DOCK8: variants seen among roughly 807,000 people sequenced by gnomAD.
DOCK8 encodes dedicator of cytokinesis 8, also known as dedicator of cytokinesis protein 8.
Under a neutral mutation model 245.6 loss-of-function variants are expected in DOCK8, and 141 were observed. The observed-to-expected ratio is 0.57, with a 90% CI of 0.50 to 0.66. The LOEUF is 0.66. DOCK8 is among the 30% of genes least tolerant of loss of function. The pLI, the probability that DOCK8 is intolerant of heterozygous loss-of-function variation, is 0.00. For missense variants in DOCK8, 2,965 were observed against 2,603.4 expected, an observed-to-expected ratio of 1.14 and a Z score of -3.02; for synonymous variants, 1,168 against 970.2, an observed-to-expected ratio of 1.20 and a Z score of -3.79.
At chr9:301,747 T>C (rs1002549835) in intron 4 of DOCK8, among the ~76,000 whole-genome samples, 4 of 152,210 alleles carry the variant, frequency 2.6e-5, no homozygotes, top group African/African-American at 9.6e-5. Flanking sequence ...ATTCCATTTA[T>C]TTTATCCTTT....
chr9:256,754 A>G (rs534136980), intron 1 of DOCK8, among the ~76,000 whole-genome samples: 2 of 151,518 alleles, frequency 1.3e-5, no homozygotes, highest in East Asian at 3.9e-4. Flanking sequence ...TCAATACAAA[A>G]GAATGTGGCA....
intron 33 of DOCK8, among the ~76,000 whole-genome samples, chr9:422,717 G>C (rs747622797): frequency 2.0e-5 from 3 of 152,192 alleles, no homozygotes; most frequent in African/African-American, 7.2e-5. Flanking sequence ...GTAGTGTGTG[G>C]CTCACGCCTG....
intron 46 of DOCK8, 21 bp from the exon 47 acceptor site, chr9:463,496 A>C: frequency 1.2e-6 from 2 of 1,613,920 alleles, no homozygotes; most frequent in Admixed American, 3.3e-5. Context: ...TATTTCTCCC[A>C]CACTGATATT....
intron 4 of DOCK8, 52 bp from the exon 5 acceptor site, chr9:304,529 T>C (rs904481757): frequency 6.2e-7 from 1 of 1,611,624 alleles, no homozygotes; most frequent in African/African-American, 1.3e-5. Flanking sequence ...TCTAATGGTT[T>C]GCCGCTCTCT....
At position 428,376 on chromosome 9, in the gene DOCK8, G is replaced by A. The variant is rs569985419; in HGVS notation, c.4353G>A (p.Leu1451=). ...CATTCCCCCAGGCGAGCTCGGCTCT[G>A]GACTGTAAAGACAGCCTGCTGGGAG... ...QENIIQASSA[L]DCKDSLLGGV... Residue 1451 remains leucine, a synonymous_variant, in exon 35 of 48, where the codon CTG becomes CTA. Coordinates refer to ENST00000432829, the MANE Select transcript of DOCK8 (RefSeq NM_203447.4). 1.2e-6 allele frequency: 2 copies of A among 1,614,162 alleles called. No individual in the cohort carries two copies. The highest frequency in any genetic ancestry group is 3.3e-5 in the Admixed American group (2 of 60,028).
At chr9:221,917 T>C (rs1437202197) in intron 1 of DOCK8, among the ~76,000 whole-genome samples, 1 of 152,086 alleles carries the variant, frequency 6.6e-6, no homozygotes, top group Non-Finnish European at 1.5e-5. Flanking sequence ...GTTGATTAGA[T>C]GTAAAATGAT....
At chr9:356,529 CAA>C (rs71482278) in intron 14 of DOCK8, among the ~76,000 whole-genome samples, 15 of 130,116 alleles carry the variant, frequency 1.2e-4, no homozygotes, top group Non-Finnish European at 9.7e-5. Flanking sequence ...GACTCTGTCT[CAA>C]AAAAAAAAAA....
chr9:429,010 C>G (rs1289261641), intron 35 of DOCK8, among the ~76,000 whole-genome samples: 1 of 152,234 alleles, frequency 6.6e-6, no homozygotes, highest in Non-Finnish European at 1.5e-5. Context: ...CTCTATCGCC[C>G]AGGCTGGAGT....
At chr9:335,366 T>C (rs954021451) in intron 11 of DOCK8, among the ~76,000 whole-genome samples, 1 of 152,162 alleles carries the variant, frequency 6.6e-6, no homozygotes, top group Non-Finnish European at 1.5e-5. Context: ...ATCCACCAAA[T>C]ATAGAAGTCC....
rs572183693 is a variant in DOCK8, at chr9:243,541, A to C, written c.54-28086A>C. Among the ~76,000 whole-genome samples, 7 of 152,284 alleles carry C rather than the reference A, an allele frequency of 4.6e-5. No homozygotes were observed. The East Asian group carries it at 1.2e-3, about 25-fold the overall frequency. ...AGATCAAGGGAAGAAGAAAGATCAG[A>C]TTAGTTCCGTGACAGTCCAATATTT... On this transcript the variant is annotated intron_variant, in intron 1 of 47. Coordinates refer to ENST00000432829, the MANE Select transcript of DOCK8 (RefSeq NM_203447.4).
intron 6 of DOCK8, among the ~76,000 whole-genome samples, chr9:315,179 T>C (rs974212656): frequency 1.7e-4 from 26 of 152,194 alleles, no homozygotes; most frequent in Admixed American, 5.9e-4. Context: ...TCTGGATCCA[T>C]TGGGAGAGTA....
At chr9:362,996 A>C (rs549490441) in intron 14 of DOCK8, among the ~76,000 whole-genome samples, 1 of 152,220 alleles carries the variant, frequency 6.6e-6, no homozygotes, top group African/African-American at 2.4e-5. Context: ...AGACTCCACA[A>C]GTTAACCCCC....
intron 24 of DOCK8, among the ~76,000 whole-genome samples, chr9:396,324 A>G (rs1057254498): frequency 6.6e-6 from 1 of 152,162 alleles, no homozygotes; most frequent in African/African-American, 2.4e-5. Flanking sequence ...TAGGAGGAAC[A>G]TTTCTCCCAC....
chr9:252,325 G>A lies in DOCK8; in HGVS notation c.54-19302G>A, dbSNP rs184808206. Among the ~76,000 whole-genome samples, 17 of 152,068 alleles carry A rather than the reference G, an allele frequency of 1.1e-4. No homozygotes were observed. In the East Asian group the frequency reaches 2.5e-3, roughly 23 times the overall value. ...TTTGGAACTCTGAGTCTCTCTGTGT[G>A]TCTGTGTCTCTGTCACTCCACCATA... On this transcript the variant is annotated intron_variant, in intron 1 of 47. Transcript: ENST00000432829.
rs116175117 is a variant in DOCK8 at position 377,081 on chromosome 9, G to C, written c.2310G>C (p.Glu770Asp). Residue 770 changes from glutamate to aspartate, a missense_variant, in exon 20 of 48, where the codon GAG (glutamate) becomes GAC (aspartate). Coordinates refer to ENST00000432829, the MANE Select transcript of DOCK8 (RefSeq NM_203447.4). ...AGAAAATCAGCGAGATGGCGCTGGAGCATGAGCTGAAGCTCAGCATCATCT... is the reference window on the plus strand; with the variant it reads ...AGAAAATCAGCGAGATGGCGCTGGACCATGAGCTGAAGCTCAGCATCATCT... The part of the protein sequence containing the change: ...LDQKISEMAL[E>D]HELKLSIICL... 1.2e-6 allele frequency: 2 copies of C among 1,612,966 alleles called. No homozygotes were observed. The highest frequency in any genetic ancestry group is 1.7e-6 in the Non-Finnish European group (2 of 1,179,954).
chr9:251,149 T>C (rs1015111045), intron 1 of DOCK8, among the ~76,000 whole-genome samples: 8 of 152,202 alleles, frequency 5.3e-5, no homozygotes, highest in Non-Finnish European at 1.2e-4. Context: ...CTCCTTTGCC[T>C]GCCCCATCCC....
At position 390,523 on chromosome 9, in the gene DOCK8, G is replaced by A; in HGVS notation, c.2927G>A (p.Arg976Lys). 1 of 1,614,184 alleles carries A rather than the reference G, an allele frequency of 6.2e-7. No homozygotes were observed. Among genetic ancestry groups the A allele is most frequent in the Non-Finnish European group, 8.5e-7 (1 of 1,180,022 alleles). ...ATGGTGGTCAGCACCGGAATGGTGAGAGAAACAGTCTTCAAGTATGCCTGG... is the reference window on the plus strand; with the variant it reads ...ATGGTGGTCAGCACCGGAATGGTGAAAGAAACAGTCTTCAAGTATGCCTGG... ...LQMVVSTGMV[R>K]ETVFKYAWFF... is the part of the protein sequence containing the mutation. The change falls in exon 24 of 48, where the codon AGA becomes AAA. Residue 976 changes from arginine to lysine, a missense_variant. By Grantham distance (26) the Arg-to-Lys change is conservative. Around this residue, in one of 3 missense-constraint regions of DOCK8, gnomAD observed 2,825 missense variants for 2,453.5 expected, o/e 1.15. Coordinates refer to ENST00000432829, the MANE Select transcript of DOCK8 (RefSeq NM_203447.4).
intron 10 of DOCK8, among the ~76,000 whole-genome samples, chr9:333,647 G>A (rs528809204): frequency 6.6e-6 from 1 of 151,068 alleles, no homozygotes; most frequent in South Asian, 2.1e-4. Flanking sequence ...TACCTTATTA[G>A]TATTGTACTC....
intron 14 of DOCK8, among the ~76,000 whole-genome samples, chr9:346,428 A>C (rs1353049459): frequency 6.6e-6 from 1 of 152,168 alleles, no homozygotes; most frequent in Non-Finnish European, 1.5e-5. Context: ...GTATGTGCGG[A>C]GATCACAGGC....
Sources: allele counts gnomAD v4.1 joint callset (sites outside exome capture counted in the v4.1 genomes callset), GRCh38; gene constraint gnomAD v4.1.1; regional missense constraint gnomAD v4.1.1; transcripts MANE v1.5; gene names NCBI Gene and HGNC (gene_info 2026-07-23, HGNC 2026-07-21).